Variants in EFR3A observed in about 807,000 individuals in gnomAD.
The protein encoded by EFR3A is EFR3 homolog A, also known as protein EFR3 homolog A.
Under a neutral mutation model 104.4 loss-of-function variants are expected in EFR3A, and 76 were observed. That is an observed-to-expected ratio of 0.73 (90% CI 0.60 to 0.88). The LOEUF is 0.88. Ranked by LOEUF, EFR3A falls within the 40% of genes least tolerant of loss-of-function variation. The pLI is 0.00. For synonymous variants in EFR3A, 330 were observed against 330.0 expected, an observed-to-expected ratio of 1.00 and a Z score of 0.00; for missense variants, 985 against 1,012.5, an observed-to-expected ratio of 0.97 and a Z score of 0.37.
intron 14 of EFR3A, among the ~76,000 whole-genome samples, chr8:131,981,012 T>TA (rs1313626781): frequency 1.7e-5 from 2 of 119,186 alleles, no homozygotes; most frequent in African/African-American, 3.2e-5. Flanking sequence ...GGCTGAATAG[T>TA]ATTTCATTTT....
intron 22 of EFR3A, among the ~76,000 whole-genome samples, chr8:132,003,686 A>G (rs1353182626): frequency 1.3e-5 from 2 of 152,236 alleles, no homozygotes; most frequent in Non-Finnish European, 1.5e-5. Context: ...CAGGGCAGTA[A>G]TAAGTCTACT....
chr8:131,940,993 A>G (rs946568223), intron 2 of EFR3A, among the ~76,000 whole-genome samples: 1 of 152,092 alleles, frequency 6.6e-6, no homozygotes, highest in Non-Finnish European at 1.5e-5. Flanking sequence ...TCTTGTAAAA[A>G]AAAAATGTTG....
At chr8:131,930,951 G>A (rs184050499) in intron 1 of EFR3A, among the ~76,000 whole-genome samples, 4 of 152,150 alleles carry the variant, frequency 2.6e-5, no homozygotes, top group East Asian at 1.9e-4. Context: ...ACAGTTTCCC[G>A]AATACCTGAA....
chr8:131,935,584 A>G (rs887450381), intron 1 of EFR3A: 23 of 412,568 alleles, frequency 5.6e-5, no homozygotes, highest in South Asian at 1.2e-4. Context: ...GAGAATTGCT[A>G]CATAGAAGGT....
intron 1 of EFR3A, among the ~76,000 whole-genome samples, chr8:131,905,936 A>G (rs1816237861): frequency 6.6e-6 from 1 of 152,190 alleles, no homozygotes; most frequent in Admixed American, 6.5e-5. Context: ...TTTCTTTTCA[A>G]ATGTTGAGTT....
intron 11 of EFR3A, 106 bp downstream of exon 11, chr8:131,976,247 TA>T: frequency 2.7e-6 from 2 of 736,722 alleles, no homozygotes; most frequent in Non-Finnish European, 2.3e-6. Flanking sequence ...TCATTAGTAA[TA>T]GCATTCCTAT....
chr8:131,970,701 A>T (rs1177644182), intron 10 of EFR3A, 58 bp downstream of exon 10: 13 of 1,500,478 alleles, frequency 8.7e-6, no homozygotes, highest in Non-Finnish European at 1.2e-5. Flanking sequence ...CAAAGCTCTC[A>T]CATAAGGTCC....
In EFR3A at chr8:132,011,142, ATGTTT is replaced by A; in HGVS notation, c.*250_*254del. ...TTCCTGTTGCCTTTTTAAGTTGAAC[ATGTTT>A]TGGTTTCACTTTATTCCACTGTTAA... On this transcript the variant is annotated 3_prime_UTR_variant, in exon 23 of 23. Transcript: ENST00000254624. 1.7e-6 allele frequency: 2 copies of A among 1,167,082 alleles called. No individual in the cohort carries two copies. The highest frequency in any genetic ancestry group is 7.1e-5 in the South Asian group (2 of 28,206). The allele number at this position is 1,167,082 out of a possible 1,614,324, so 72.3% of individuals were successfully genotyped here.
chr8:131,920,394 T>A (rs556097937), intron 1 of EFR3A, among the ~76,000 whole-genome samples: 104 of 152,230 alleles, frequency 6.8e-4, no homozygotes, highest in Non-Finnish European at 1.3e-3. Context: ...GAACTTCTTA[T>A]GTAGACCCTC....
At chr8:132,003,678 G>A (rs982711862) in intron 22 of EFR3A, among the ~76,000 whole-genome samples, 1 of 152,150 alleles carries the variant, frequency 6.6e-6, no homozygotes, top group African/African-American at 2.4e-5. Context: ...GTTCTTTTCA[G>A]GGCAGTAATA....
chr8:131,966,140 A>G (rs946036592), intron 8 of EFR3A, among the ~76,000 whole-genome samples: 19 of 152,156 alleles, frequency 1.2e-4, no homozygotes, highest in African/African-American at 7.2e-5. Flanking sequence ...CAGCACACCA[A>G]CATGGCACAT....
At chr8:131,947,769 TTAAC>T (rs1158969445) in intron 4 of EFR3A, among the ~76,000 whole-genome samples, 3 of 152,266 alleles carry the variant, frequency 2.0e-5, no homozygotes, top group Admixed American at 6.5e-5. Flanking sequence ...ATGTGGATAT[TTAAC>T]TATGCCATTA....
At chr8:131,962,867 G>A (rs777270788) in intron 8 of EFR3A, among the ~76,000 whole-genome samples, 1 of 152,174 alleles carries the variant, frequency 6.6e-6, no homozygotes, top group South Asian at 2.1e-4. Context: ...ATAACAAACT[G>A]TCTCTCAGAC....
chr8:131,968,251 A>G (rs1819862701), intron 8 of EFR3A, 44 bp from the exon 9 acceptor site: 1 of 1,589,846 alleles, frequency 6.3e-7, no homozygotes, highest in African/African-American at 1.4e-5. Context: ...CTGCCAAGGT[A>G]CATGTACTTT....
At chr8:131,926,412 A>G (rs1324967805) in intron 1 of EFR3A, among the ~76,000 whole-genome samples, 1 of 152,172 alleles carries the variant, frequency 6.6e-6, no homozygotes, top group Admixed American at 6.6e-5. Context: ...AAAAATGATG[A>G]AATTGAAGAA....
intron 1 of EFR3A, among the ~76,000 whole-genome samples, chr8:131,918,484 A>G (rs1273884493): frequency 1.3e-5 from 2 of 152,284 alleles, no homozygotes; most frequent in South Asian, 2.1e-4. Flanking sequence ...TTAATTGAAC[A>G]TTTTACTTAA....
At chr8:131,945,399 T>G (rs1818388727) in intron 3 of EFR3A, among the ~76,000 whole-genome samples, 1 of 152,016 alleles carries the variant, frequency 6.6e-6, no homozygotes, top group Non-Finnish European at 1.5e-5. Flanking sequence ...ACCATCCTAC[T>G]GTATTCTCTG....
rs1363595109 is a variant in EFR3A at position 132,011,803 on chromosome 8, A to G, written c.*908A>G. ...ATTTCTATTAAGAGCACATTTATTTACATTTGTATATTATTTTAAATCCTC... is the reference window on the plus strand; with the variant it reads ...ATTTCTATTAAGAGCACATTTATTTGCATTTGTATATTATTTTAAATCCTC... On this transcript the variant is annotated 3_prime_UTR_variant, in exon 23 of 23. Coordinates refer to ENST00000254624, the MANE Select transcript of EFR3A (RefSeq NM_015137.6). 1 of 152,340 alleles carries G rather than the reference A, an allele frequency of 6.6e-6. No individual in the cohort carries two copies. Among genetic ancestry groups the G allele is most frequent in the Non-Finnish European group, 1.5e-5 (1 of 68,022 alleles). 9.4% of individuals were successfully genotyped at this position (152,340 alleles called of 1,614,324 possible).
At chr8:131,930,502 A>G (rs1286299296) in intron 1 of EFR3A, among the ~76,000 whole-genome samples, 6 of 133,902 alleles carry the variant, frequency 4.5e-5, no homozygotes. Flanking sequence ...AGGTCTGGTC[A>G]TGTTTTAGAA....
Sources: allele counts gnomAD v4.1 joint callset (sites outside exome capture counted in the v4.1 genomes callset), GRCh38; gene constraint gnomAD v4.1.1; transcripts MANE v1.5; gene names NCBI Gene and HGNC (gene_info 2026-07-23, HGNC 2026-07-21).